CPA6: variants seen among roughly 807,000 people sequenced by gnomAD.
CPA6 encodes carboxypeptidase A6.
A neutral mutation model predicts 63.3 loss-of-function variants in CPA6; 58 were observed. The observed-to-expected ratio is 0.92, with a 90% CI of 0.74 to 1.14. The LOEUF (loss-of-function observed/expected upper bound fraction) is 1.14. Among genes scored for constraint, CPA6 ranks in the 50% most tolerant of loss-of-function variants. CPA6 has a pLI of 0.00. For synonymous variants in CPA6, 185 were observed against 179.0 expected, an observed-to-expected ratio of 1.03 and a Z score of -0.27; for missense variants, 565 against 526.6, an observed-to-expected ratio of 1.07 and a Z score of -0.71.
chr8:67,623,411 CT>C (rs879384048), intron 2 of CPA6, among the ~76,000 whole-genome samples: 14 of 147,084 alleles, frequency 9.5e-5, no homozygotes, highest in East Asian at 2.0e-4. Flanking sequence ...AGAAAATTTT[CT>C]TTTTTTTTTT....
intron 1 of CPA6, among the ~76,000 whole-genome samples, chr8:67,682,359 A>G (rs114369806): frequency 2.6e-3 from 403 of 152,086 alleles, no homozygotes; most frequent in African/African-American, 9.3e-3. Context: ...TACAACTGTA[A>G]TTATCTCTTT....
intron 1 of CPA6, among the ~76,000 whole-genome samples, chr8:67,660,012 G>A (rs1816073050): frequency 6.6e-6 from 1 of 152,188 alleles, no homozygotes; most frequent in Non-Finnish European, 1.5e-5. Flanking sequence ...TGTAGTCAGT[G>A]TTTTAATAAT....
At chr8:67,678,759 A>G (rs895700525) in intron 1 of CPA6, among the ~76,000 whole-genome samples, 8 of 152,202 alleles carry the variant, frequency 5.3e-5, no homozygotes, top group Admixed American at 2.6e-4. Flanking sequence ...CATATACCCA[A>G]CAGAAATACA....
chr8:67,519,669 C>G (rs1812220305), intron 2 of CPA6, among the ~76,000 whole-genome samples: 1 of 152,206 alleles, frequency 6.6e-6, no homozygotes, highest in African/African-American at 2.4e-5. Context: ...CATGCCAGTC[C>G]AACAATCAGC....
chr8:67,714,477 G>A (rs1044133687), intron 1 of CPA6, among the ~76,000 whole-genome samples: 3 of 152,180 alleles, frequency 2.0e-5, no homozygotes, highest in African/African-American at 7.2e-5. Flanking sequence ...GGGAGCCCGA[G>A]CACTCCTCAG....
chr8:67,692,746 T>C (rs1350153751), intron 1 of CPA6, among the ~76,000 whole-genome samples: 3 of 152,230 alleles, frequency 2.0e-5, no homozygotes, highest in Non-Finnish European at 4.4e-5. Flanking sequence ...GGGAAGTTAG[T>C]ATTATTTCTT....
At chr8:67,530,268 T>G (rs1587527656) in intron 2 of CPA6, among the ~76,000 whole-genome samples, 1 of 146,524 alleles carries the variant, frequency 6.8e-6, no homozygotes, top group South Asian at 2.1e-4. Context: ...ATTAAAAAAA[T>G]CATACAGATA....
chr8:67,545,357 A>G (rs1387546949), intron 2 of CPA6, among the ~76,000 whole-genome samples: 1 of 152,118 alleles, frequency 6.6e-6, no homozygotes. Context: ...TATAAATCTA[A>G]CGGCCACTTT....
At chr8:67,687,771 T>C (rs1324116427) in intron 1 of CPA6, among the ~76,000 whole-genome samples, 1 of 152,136 alleles carries the variant, frequency 6.6e-6, no homozygotes, top group Non-Finnish European at 1.5e-5. Flanking sequence ...TCCTTGTCTA[T>C]AAAGTGAAGA....
chr8:67,505,466 A>G lies in CPA6; in HGVS notation c.636+1321T>C, dbSNP rs148535538. On this transcript the variant is annotated intron_variant, in intron 6 of 10. Transcript: ENST00000297770. ...ATACATTCTCATGTTCTTCAATAAT[A>G]TACATGACTATATCCTATCAACAAC... Among the ~76,000 whole-genome samples, 37 of 152,324 alleles carry G rather than the reference A, an allele frequency of 2.4e-4. No homozygotes were observed. The East Asian group carries it at 7.1e-3, about 29-fold the overall frequency.
chr8:67,735,006 G>A (rs1817785842), intron 1 of CPA6, among the ~76,000 whole-genome samples: 1 of 152,180 alleles, frequency 6.6e-6, no homozygotes, highest in East Asian at 1.9e-4. Flanking sequence ...TCTAGTGATA[G>A]AGTGTGGTAC....
At chr8:67,735,743 A>G (rs1387834527) in intron 1 of CPA6, 1 of 147,430 alleles carries the variant, frequency 6.8e-6, no homozygotes, top group African/African-American at 2.5e-5. Flanking sequence ...GAGCTCCACT[A>G]GTTGCTCTTC....
chr8:67,528,253 G>A (rs1812405895), intron 2 of CPA6, among the ~76,000 whole-genome samples: 1 of 152,188 alleles, frequency 6.6e-6, no homozygotes. Context: ...GGTTGCCTAT[G>A]CATATTACCA....
chr8:67,681,455 C>T (rs2128995975), intron 1 of CPA6, among the ~76,000 whole-genome samples: 1 of 151,592 alleles, frequency 6.6e-6, no homozygotes, highest in East Asian at 1.9e-4. Context: ...ATGATCCACT[C>T]GCCTCGGCCT....
At chr8:67,686,758 A>G (rs1816717239) in intron 1 of CPA6, among the ~76,000 whole-genome samples, 1 of 152,216 alleles carries the variant, frequency 6.6e-6, no homozygotes, top group African/African-American at 2.4e-5. Flanking sequence ...CATGTCAGCT[A>G]AGGAACAGAT....
intron 1 of CPA6, among the ~76,000 whole-genome samples, chr8:67,673,550 ATT>A (rs776373374): frequency 1.7e-4 from 24 of 138,526 alleles, no homozygotes; most frequent in African/African-American, 2.1e-4. Context: ...CTCACGGCTA[ATT>A]TTTTTTTTTT....
intron 1 of CPA6, among the ~76,000 whole-genome samples, chr8:67,714,992 C>T (rs1473769557): frequency 6.6e-6 from 1 of 152,154 alleles, no homozygotes; most frequent in Non-Finnish European, 1.5e-5. Context: ...AGGCACCTCC[C>T]TTGGAATGAG....
At position 67,670,850 on chromosome 8, in the gene CPA6, C is replaced by T. The variant is rs569663898; in HGVS notation, c.117-46599G>A. On this transcript the variant is annotated intron_variant, in intron 1 of 10. Transcript: ENST00000297770. ...ACAGAAATAAAGGAAGGGGAAGTTG[C>T]AAGAAAATCCACTAGGGGATACCAG... is the stretch of plus-strand genomic sequence containing the variant. Among the ~76,000 whole-genome samples the T allele has an allele frequency of 4.5e-4, 69 of 152,224 alleles. 1 individual carries two copies. The highest frequency in any genetic ancestry group is 4.1e-3 in the South Asian group (20 of 4,824).
chr8:67,722,762 GA>G (rs1817525894), intron 1 of CPA6, among the ~76,000 whole-genome samples: 1 of 151,976 alleles, frequency 6.6e-6, no homozygotes, highest in Non-Finnish European at 1.5e-5. Flanking sequence ...GAGATGCCAG[GA>G]ACACAATGAC....
Sources: allele counts gnomAD v4.1 joint callset (sites outside exome capture counted in the v4.1 genomes callset), GRCh38; gene constraint gnomAD v4.1.1; transcripts MANE v1.5; gene names NCBI Gene and HGNC (gene_info 2026-07-23, HGNC 2026-07-21).